C1orf141: variants seen among roughly 807,000 people sequenced by gnomAD.
C1orf141 encodes chromosome 1 open reading frame 141.
Under a neutral mutation model 23.2 loss-of-function variants are expected in C1orf141, and 19 were observed. The observed-to-expected ratio is 0.82, with a 90% confidence interval of 0.57 to 1.20. C1orf141 has a LOEUF of 1.20. Ranked by LOEUF, C1orf141 falls within the 50% of genes most tolerant of loss-of-function variation. The pLI, the probability that C1orf141 is intolerant of heterozygous loss-of-function variation, is 0.00. For synonymous variants in C1orf141, 153 were observed against 154.6 expected (o/e 0.99, Z 0.08); for missense variants, 469 against 455.1 (o/e 1.03, Z -0.28).
upstream of C1orf141, chr1:67,135,015 C>CGTA (rs1646573551): frequency 6.6e-6 from 1 of 151,804 alleles, no homozygotes. Context: ...GTCCTCGGTC[C>CGTA]GTAGAAACCG....
intron 5 of C1orf141, among the ~76,000 whole-genome samples, chr1:67,097,817 G>GT (rs1168758358): frequency 1.3e-5 from 2 of 152,174 alleles, no homozygotes; most frequent in Non-Finnish European, 2.9e-5. Flanking sequence ...TTGTAGCAGT[G>GT]TAAGTGGTGG....
At chr1:67,105,894 G>C (rs2102441223) in intron 5 of C1orf141, among the ~76,000 whole-genome samples, 1 of 152,272 alleles carries the variant, frequency 6.6e-6, no homozygotes, top group East Asian at 1.9e-4. Flanking sequence ...GACAAAGTTA[G>C]GACAAACAGA....
Position 67,093,372 on chromosome 1 carries a change from T to G in C1orf141, c.836A>C (p.Asp279Ala). 3.7e-6 allele frequency: 6 copies of G among 1,613,850 alleles called. No individual in the cohort carries two copies. The highest frequency in any genetic ancestry group is 5.1e-6 in the Non-Finnish European group (6 of 1,179,870). ...QKTMPTVQRKDIQIPMSFKAG... is the reference protein window; with the variant it reads ...QKTMPTVQRKAIQIPMSFKAG... Reference sequence around the variant, plus strand: ...TTTAAAAGACATAGGGATCTGTATATCTTTTCTCTGTACTGTAGGCATAGT... The same window carrying G: ...TTTAAAAGACATAGGGATCTGTATAGCTTTTCTCTGTACTGTAGGCATAGT... The change falls in exon 8 of 8, where the codon GAT (aspartate) becomes GCT (alanine). Residue 279 changes from aspartate to alanine, a missense_variant. Asp to Ala is a moderately radical substitution (Grantham distance 126, BLOSUM62 -2). Around this residue, in one of 3 missense-constraint regions of C1orf141, gnomAD observed 370 missense variants for 348.1 expected, o/e 1.06. Coordinates refer to ENST00000684719, the MANE Select transcript of C1orf141 (RefSeq NM_001276351.2).
intron 5 of C1orf141, among the ~76,000 whole-genome samples, chr1:67,100,313 A>G (rs1645769278): frequency 6.6e-6 from 1 of 152,138 alleles, no homozygotes; most frequent in Non-Finnish European, 1.5e-5. Flanking sequence ...TGCACGTTGT[A>G]TATATTCCTA....
At chr1:67,131,717 A>G (rs1161556669) in intron 1 of C1orf141, among the ~76,000 whole-genome samples, 1 of 151,718 alleles carries the variant, frequency 6.6e-6, no homozygotes, top group East Asian at 1.9e-4. Flanking sequence ...TTCTACTCAG[A>G]ATGTTCTCCC....
In C1orf141 at chr1:67,093,234, G is replaced by C. The variant is rs770284193; in HGVS notation, c.974C>G (p.Thr325Arg). The C allele has an allele frequency of 6.2e-7, 1 of 1,613,876 alleles. No homozygotes were observed. Among genetic ancestry groups the C allele is most frequent in the Admixed American group, 1.7e-5 (1 of 60,014 alleles). ...ATCAAGGTAACCCACAAATTGTTTT[G>C]TTAGGCTAGAAAAATTCTGTGAGAA... ...YNFSQNFSSL[T>R]KQFVGYLDKA... is the part of the protein sequence containing the mutation. The change falls in exon 8 of 8, where the codon ACA (threonine) becomes AGA (arginine). Residue 325 changes from threonine to arginine, a missense_variant. Transcript: ENST00000684719.
At chr1:67,108,163 C>A (rs1031778827) in intron 5 of C1orf141, among the ~76,000 whole-genome samples, 16 of 152,090 alleles carry the variant, frequency 1.1e-4, no homozygotes, top group Admixed American at 1.0e-3. Flanking sequence ...ATAATAAAAT[C>A]CCTTAAACAG....
At position 67,093,443 on chromosome 1, in the gene C1orf141, T is replaced by C; in HGVS notation, c.765A>G (p.Lys255=). The C allele has an allele frequency of 6.2e-7, 1 of 1,611,408 alleles. No individual in the cohort carries two copies. Among genetic ancestry groups the C allele is most frequent in the Non-Finnish European group, 8.5e-7 (1 of 1,177,998 alleles). The part of the protein sequence containing the change: ...FILERNCEIL[K]SIIGNQSISL... ...AAATAGATTGATTGCCAATTATAGA[T>C]TTGAGGATTTCACAATTTCTTTCTA... Residue 255 remains lysine (K), a synonymous_variant, in exon 8 of 8, where the codon AAA becomes AAG. Transcript: ENST00000684719.
At chr1:67,107,715 C>T (rs992287614) in intron 5 of C1orf141, among the ~76,000 whole-genome samples, 6 of 152,092 alleles carry the variant, frequency 3.9e-5, no homozygotes, top group South Asian at 2.1e-4. Context: ...GTGGAGAAAC[C>T]CTGTCTCTAC....
chr1:67,116,936 T>C (rs1221688686), intron 4 of C1orf141, among the ~76,000 whole-genome samples: 1 of 152,234 alleles, frequency 6.6e-6, no homozygotes, highest in African/African-American at 2.4e-5. Context: ...CTTAATTTAC[T>C]ATATTTTCCT....
chr1:67,119,469 ATGAAT>A (rs941047685), intron 4 of C1orf141, among the ~76,000 whole-genome samples: 2 of 152,244 alleles, frequency 1.3e-5, no homozygotes, highest in African/African-American at 4.8e-5. Flanking sequence ...GAGGAAAGAA[ATGAAT>A]TGAAGATGAA....
intron 2 of C1orf141, among the ~76,000 whole-genome samples, chr1:67,128,528 ACCCTGTCT>A (rs1646460951): frequency 6.6e-6 from 1 of 151,882 alleles, no homozygotes; most frequent in African/African-American, 2.4e-5. Flanking sequence ...ACATACTGAA[ACCCTGTCT>A]CTACTAAAAA....
intron 5 of C1orf141, among the ~76,000 whole-genome samples, chr1:67,110,801 T>C (rs956303725): frequency 1.1e-4 from 17 of 151,328 alleles, no homozygotes; most frequent in Non-Finnish European, 2.1e-4. Flanking sequence ...ACCATGTAGA[T>C]GAAGATAAAA....
In C1orf141 at chr1:67,093,198, A is replaced by C; in HGVS notation, c.1010T>G (p.Ile337Ser). The C allele has an allele frequency of 6.2e-7, 1 of 1,613,916 alleles. No homozygotes were observed. Among genetic ancestry groups the C allele is most frequent in the Non-Finnish European group, 8.5e-7 (1 of 1,179,838 alleles). ...TCCAGTTTGGGCACTCATTTCATGA[A>C]TAACAGCTTTATCAAGGTAACCCAC... ...QFVGYLDKAV[I>S]HEMSAQTGKF... The change falls in exon 8 of 8, where the codon ATT (isoleucine) becomes AGT (serine). Residue 337 changes from isoleucine (I) to serine (S), a missense_variant. Transcript: ENST00000684719.
intron 5 of C1orf141, among the ~76,000 whole-genome samples, chr1:67,109,237 G>T (rs981463588): frequency 3.4e-5 from 5 of 149,022 alleles, no homozygotes; most frequent in Non-Finnish European, 3.0e-5. Flanking sequence ...TGAGGCAGGA[G>T]AATGGCCTGA....
chr1:67,125,682 A>C (rs1159252865), intron 4 of C1orf141, 70 bp downstream of exon 4: 1 of 1,423,718 alleles, frequency 7.0e-7, no homozygotes, highest in Non-Finnish European at 9.9e-7. Context: ...CTAGGCAATG[A>C]GTGAGTCCTT....
chr1:67,106,628 A>C (rs1485386097), intron 5 of C1orf141, among the ~76,000 whole-genome samples: 1 of 152,236 alleles, frequency 6.6e-6, no homozygotes, highest in Non-Finnish European at 1.5e-5. Context: ...ACTGCACTCC[A>C]GCCTGGGTGA....
chr1:67,103,494 A>G, intron 5 of C1orf141: 1 of 549,862 alleles, frequency 1.8e-6, no homozygotes, highest in Non-Finnish European at 2.8e-6. Context: ...TATGATAACT[A>G]ACAGCTGTCT....
rs115416469 is a variant in C1orf141, at chr1:67,096,451, A to G, written c.347-130T>C. On this transcript the variant is annotated intron_variant, in intron 5 of 7. Transcript: ENST00000684719. ...CCTAGTATAGTGCCTGGTCTGTAGT[A>G]GCTACCCAGTAAATATTTCTTGAAT... 4,464 of 553,262 alleles carry G rather than the reference A, an allele frequency of 8.1e-3. 161 individuals carry two copies. Among genetic ancestry groups the G allele is most frequent in the African/African-American group, 0.076 (3,925 of 51,334 alleles). 34.3% of individuals were successfully genotyped at this position (553,262 alleles called of 1,614,324 possible).
Sources: gnomAD v4.1 joint callset for allele counts (sites outside exome capture counted in the v4.1 genomes callset) on GRCh38, gnomAD v4.1.1 for gene constraint, gnomAD v4.1.1 regional missense constraint, MANE v1.5 for transcripts, NCBI Gene and HGNC (gene_info 2026-07-23, HGNC 2026-07-21) for gene names.